HLCS: variants seen among roughly 807,000 people sequenced by gnomAD.
HLCS encodes biotin--protein ligase.
In HLCS, 53 loss-of-function variants were observed where a neutral mutation model predicts 75.0. The observed-to-expected ratio is 0.71, with a 90% CI of 0.57 to 0.89. HLCS has a LOEUF of 0.89. Ranked by LOEUF, HLCS falls within the 40% of genes least tolerant of loss-of-function variation. The pLI is 0.00. For synonymous variants in HLCS, 431 were observed against 428.6 expected (o/e 1.01, Z -0.07); for missense variants, 966 against 1,074.0 (o/e 0.90, Z 1.41).
chr21:36,774,038 T>G (rs1384987627), intron 6 of HLCS, among the ~76,000 whole-genome samples: 1 of 152,170 alleles, frequency 6.6e-6, no homozygotes, highest in Non-Finnish European at 1.5e-5. Context: ...ACAAGATTGT[T>G]TTTTGAAAGG....
chr21:36,908,990 C>A (rs966927413), intron 5 of HLCS, among the ~76,000 whole-genome samples: 1 of 152,138 alleles, frequency 6.6e-6, no homozygotes, highest in African/African-American at 2.4e-5. Flanking sequence ...GTCAGGAGAT[C>A]GAGACCATCC....
chr21:36,857,854 A>G (rs1488646678), intron 6 of HLCS, among the ~76,000 whole-genome samples: 1 of 152,082 alleles, frequency 6.6e-6, no homozygotes, highest in Non-Finnish European at 1.5e-5. Flanking sequence ...CAGTGGTGCA[A>G]TCTCGGCTCA....
chr21:36,822,780 T>C (rs538450037), intron 6 of HLCS, among the ~76,000 whole-genome samples: 1 of 152,280 alleles, frequency 6.6e-6, no homozygotes, highest in East Asian at 1.9e-4. Flanking sequence ...TATCCATGCA[T>C]GGAAAAATTC....
intron 5 of HLCS, among the ~76,000 whole-genome samples, chr21:36,902,402 C>T (rs2065272343): frequency 6.6e-6 from 1 of 152,144 alleles, no homozygotes; most frequent in Non-Finnish European, 1.5e-5. Flanking sequence ...GACAGCTCAC[C>T]CATAGGGATG....
chr21:36,796,758 A>G (rs1460124517), intron 6 of HLCS, among the ~76,000 whole-genome samples: 2 of 152,238 alleles, frequency 1.3e-5, no homozygotes, highest in South Asian at 2.1e-4. Context: ...TTTATGAATA[A>G]TAACTTCCAG....
intron 6 of HLCS, among the ~76,000 whole-genome samples, chr21:36,779,962 A>G (rs2060477278): frequency 6.6e-6 from 1 of 152,156 alleles, no homozygotes; most frequent in Non-Finnish European, 1.5e-5. Flanking sequence ...ACCACAAATC[A>G]AAATCTCATT....
Position 36,938,921 on chromosome 21 carries a change from G to A in HLCS, c.404C>T (p.Ala135Val), listed in dbSNP as rs1226123512. 2.5e-6 allele frequency: 4 copies of A among 1,613,812 alleles called. No individual in the cohort carries two copies. The African/African-American group carries it at 5.3e-5, about 22-fold the overall frequency. Residue 135 changes from alanine to valine, a missense_variant, in exon 3 of 11, where the codon GCA (alanine) becomes GTA (valine). Physicochemically the swap from Ala to Val is moderately conservative, Grantham distance 64. Coordinates refer to ENST00000674895, the MANE Select transcript of HLCS (RefSeq NM_001352514.2). ...CAGCTTGCTGAAGTTGTCCACACTT[G>A]CTTCAGCAATTAGCCGATAAGGATC... is the stretch of plus-strand genomic sequence containing the variant. ...PGDPYRLIAE[A>V]SVDNFSKLGV...
chr21:36,922,197 T>C (rs2066199857), intron 5 of HLCS, among the ~76,000 whole-genome samples: 1 of 152,156 alleles, frequency 6.6e-6, no homozygotes, highest in Non-Finnish European at 1.5e-5. Flanking sequence ...TCAATGAGAA[T>C]TGAAATCATA....
At chr21:36,980,054 A>G (rs1016677401) in intron 1 of HLCS, among the ~76,000 whole-genome samples, 4 of 138,338 alleles carry the variant, frequency 2.9e-5, no homozygotes, top group African/African-American at 1.1e-4. Flanking sequence ...AAAAAAAAAA[A>G]GGCTGGGTGT....
At chr21:36,840,855 T>G (rs1240986500) in intron 6 of HLCS, among the ~76,000 whole-genome samples, 1 of 152,128 alleles carries the variant, frequency 6.6e-6, no homozygotes, top group Non-Finnish European at 1.5e-5. Flanking sequence ...TCAGGTGATC[T>G]GCCTGCCTTG....
chr21:36,939,249 T>A (rs555464192), intron 2 of HLCS, among the ~76,000 whole-genome samples: 104 of 152,180 alleles, frequency 6.8e-4, no homozygotes, highest in Non-Finnish European at 9.4e-4. Context: ...AGTCTCCACC[T>A]TTTTAAGGAA....
At chr21:36,922,858 G>A (rs944222125) in intron 5 of HLCS, among the ~76,000 whole-genome samples, 7 of 152,146 alleles carry the variant, frequency 4.6e-5, no homozygotes, top group African/African-American at 9.7e-5. Context: ...ATCTCCAGGC[G>A]GCATTCTCAA....
At chr21:36,906,886 G>C (rs2065479900) in intron 5 of HLCS, among the ~76,000 whole-genome samples, 1 of 152,128 alleles carries the variant, frequency 6.6e-6, no homozygotes, top group East Asian at 1.9e-4. Flanking sequence ...TACAGAAATA[G>C]GGCCAAACAT....
chr21:36,918,112 A>C (rs1438212102), intron 5 of HLCS, among the ~76,000 whole-genome samples: 2 of 152,232 alleles, frequency 1.3e-5, no homozygotes, highest in Admixed American at 6.5e-5. Context: ...CAAGGAGCAC[A>C]GATTCCTGAA....
chr21:36,763,029 T>C (rs75888019), intron 8 of HLCS, among the ~76,000 whole-genome samples: 3,727 of 152,330 alleles, frequency 0.024, 152 homozygotes, highest in African/African-American at 0.086. Flanking sequence ...CAGGACTTTC[T>C]TTCTTCCTTT....
At chr21:36,961,000 T>G (rs545198422) in intron 2 of HLCS, among the ~76,000 whole-genome samples, 5 of 152,252 alleles carry the variant, frequency 3.3e-5, no homozygotes, top group African/African-American at 1.2e-4. Context: ...GAGGATGGAA[T>G]GAGGAGCAGT....
chr21:36,963,008 T>C (rs1436919658), intron 1 of HLCS, among the ~76,000 whole-genome samples: 1 of 152,082 alleles, frequency 6.6e-6, no homozygotes, highest in East Asian at 1.9e-4. Context: ...CTCTGGATGC[T>C]CACACAGCAG....
At chr21:36,777,707 G>A (rs1375604071) in intron 6 of HLCS, among the ~76,000 whole-genome samples, 5 of 152,142 alleles carry the variant, frequency 3.3e-5, no homozygotes, top group African/African-American at 1.2e-4. Context: ...ATAAGACTCA[G>A]GGGTGCATTT....
chr21:36,752,253 T>TC lies in HLCS; in HGVS notation c.*1992dup, dbSNP rs2089397505. 1 of 152,602 alleles carries TC rather than the reference T, an allele frequency of 6.6e-6. No individual in the cohort carries two copies. The highest frequency in any genetic ancestry group is 2.4e-5 in the African/African-American group (1 of 41,426). The allele number at this position is 152,602 out of a possible 1,614,324, so 9.5% of individuals were successfully genotyped here. ...AGCACAGCAGTATGCCCGGAACATCTCCATAGCCTTTGACAAGGCCACACT... is the reference window on the plus strand; with the variant it reads ...AGCACAGCAGTATGCCCGGAACATCTCCCATAGCCTTTGACAAGGCCACACT... On this transcript the variant is annotated 3_prime_UTR_variant, in exon 11 of 11. Coordinates refer to ENST00000674895, the MANE Select transcript of HLCS (RefSeq NM_001352514.2).
Sources: allele counts gnomAD v4.1 joint callset (sites outside exome capture counted in the v4.1 genomes callset), GRCh38; gene constraint gnomAD v4.1.1; transcripts MANE v1.5; gene names NCBI Gene and HGNC (gene_info 2026-07-23, HGNC 2026-07-21).